GPR158: variants seen among roughly 807,000 people sequenced by gnomAD.
The protein encoded by GPR158 is G protein-coupled receptor 158, also known as metabotropic glycine receptor.
In GPR158, 30 loss-of-function variants were observed where a neutral mutation model predicts 78.2. The observed-to-expected ratio is 0.38, with a 90% confidence interval of 0.29 to 0.52. The LOEUF is 0.52. GPR158 is among the 20% of genes least tolerant of loss of function. The probability of loss-of-function intolerance (pLI) is 0.83; values close to 1 mark genes in which losing one functional copy is unlikely to be tolerated. For synonymous variants in GPR158, 581 were observed against 591.1 expected (o/e 0.98, Z 0.25); for missense variants, 1,463 against 1,523.5 (o/e 0.96, Z 0.66).
chr10:25,586,390 AATTTTTTTTTTTTTTTTT>A (rs770640168), intron 7 of GPR158, among the ~76,000 whole-genome samples: 2 of 130,994 alleles, frequency 1.5e-5, no homozygotes, highest in East Asian at 2.4e-4. Flanking sequence ...GGTATGTGTG[AATTTTTTTTTTTTTTTTT>A]TTTTTTTTTT....
At chr10:25,341,604 C>A (rs1012887148) in intron 2 of GPR158, among the ~76,000 whole-genome samples, 1 of 151,776 alleles carries the variant, frequency 6.6e-6, no homozygotes, top group Non-Finnish European at 1.5e-5. Context: ...AGTGGGAGTG[C>A]CCATTACAGT....
At chr10:25,191,237 C>T (rs1004679570) in intron 1 of GPR158, among the ~76,000 whole-genome samples, 4 of 152,164 alleles carry the variant, frequency 2.6e-5, no homozygotes, top group African/African-American at 4.8e-5. Context: ...TTAGAGATCA[C>T]GTAATCCAAT....
chr10:25,342,869 G>A (rs1291053525), intron 2 of GPR158, among the ~76,000 whole-genome samples: 2 of 150,610 alleles, frequency 1.3e-5, no homozygotes, highest in Admixed American at 6.7e-5. Flanking sequence ...GAAGCTTAAC[G>A]TTTCTGGTTA....
intron 5 of GPR158, among the ~76,000 whole-genome samples, chr10:25,488,705 A>G (rs991415993): frequency 5.3e-5 from 8 of 152,250 alleles, no homozygotes; most frequent in African/African-American, 1.9e-4. Flanking sequence ...GAAAGTAATT[A>G]TGTAATAGAT....
intron 2 of GPR158, among the ~76,000 whole-genome samples, chr10:25,304,904 A>G (rs1248630063): frequency 6.6e-6 from 1 of 152,218 alleles, no homozygotes; most frequent in East Asian, 1.9e-4. Context: ...CCTCTTTAGC[A>G]ATTCAACAAA....
intron 6 of GPR158, among the ~76,000 whole-genome samples, chr10:25,563,327 CTA>C (rs1588913823): frequency 6.6e-6 from 1 of 151,750 alleles, no homozygotes; most frequent in South Asian, 2.1e-4. Flanking sequence ...TATTTACAAA[CTA>C]TTATTTCATT....
At chr10:25,373,359 G>T (rs949117043) in intron 2 of GPR158, among the ~76,000 whole-genome samples, 4 of 151,814 alleles carry the variant, frequency 2.6e-5, no homozygotes, top group Non-Finnish European at 5.9e-5. Flanking sequence ...GTACCTGGGT[G>T]GCCAAATAAT....
At chr10:25,271,519 G>A (rs765171338) in intron 2 of GPR158, among the ~76,000 whole-genome samples, 1 of 152,278 alleles carries the variant, frequency 6.6e-6, no homozygotes, top group East Asian at 1.9e-4. Flanking sequence ...TTGTGCTCCT[G>A]GAAGTGGTGA....
At chr10:25,228,720 A>G (rs1230459783) in intron 2 of GPR158, among the ~76,000 whole-genome samples, 1 of 152,128 alleles carries the variant, frequency 6.6e-6, no homozygotes, top group Non-Finnish European at 1.5e-5. Context: ...GAAATTTATT[A>G]CTGTGGAAAT....
chr10:25,574,521 A>G (rs1035372134), intron 7 of GPR158, among the ~76,000 whole-genome samples: 3 of 152,210 alleles, frequency 2.0e-5, no homozygotes, highest in African/African-American at 7.2e-5. Flanking sequence ...AACCTTTTAT[A>G]AAGGACAAGT....
At chr10:25,375,190 T>A (rs894506195) in intron 2 of GPR158, among the ~76,000 whole-genome samples, 14 of 151,692 alleles carry the variant, frequency 9.2e-5, no homozygotes, top group African/African-American at 3.4e-4. Flanking sequence ...ATATCCTCTT[T>A]GTGAATGTTT....
intron 7 of GPR158, among the ~76,000 whole-genome samples, chr10:25,586,559 C>T (rs1467544022): frequency 4.6e-5 from 7 of 151,830 alleles, no homozygotes; most frequent in African/African-American, 1.7e-4. Context: ...AGTGCCACCA[C>T]ACCAGGCTAA....
chr10:25,599,233 G>A lies in GPR158; in HGVS notation c.3607G>A (p.Gly1203Arg), dbSNP rs527435328. ...SSALSANKIA[G>R]PRKEEIWDSF... ...TGCTCTAAGTGCAAATAAGATAGCAGGGCCTAGGAAAGAAGAGATCTGGGA... is the reference window on the plus strand; with the variant it reads ...TGCTCTAAGTGCAAATAAGATAGCAAGGCCTAGGAAAGAAGAGATCTGGGA... The change falls in exon 11 of 11, where the codon GGG (glycine) becomes AGG (arginine). Residue 1203 changes from glycine to arginine, a missense_variant. Gly to Arg is a moderately radical substitution (Grantham distance 125, BLOSUM62 -2). Coordinates refer to ENST00000376351, the MANE Select transcript of GPR158 (RefSeq NM_020752.3). The A allele has an allele frequency of 6.2e-7, 1 of 1,612,602 alleles. No homozygotes were observed. The highest frequency in any genetic ancestry group is 8.5e-7 in the Non-Finnish European group (1 of 1,179,790).
At chr10:25,331,140 A>G (rs564127707) in intron 2 of GPR158, among the ~76,000 whole-genome samples, 2 of 152,154 alleles carry the variant, frequency 1.3e-5, no homozygotes, top group South Asian at 2.1e-4. Context: ...GAGTCTCACT[A>G]TGTTGCCCAG....
chr10:25,554,614 A>C (rs1439318988), intron 6 of GPR158, among the ~76,000 whole-genome samples: 1 of 152,122 alleles, frequency 6.6e-6, no homozygotes, highest in Admixed American at 6.6e-5. Context: ...ACTTTTACCA[A>C]ATCTCCCACT....
chr10:25,493,223 G>C (rs1186291328), intron 5 of GPR158, among the ~76,000 whole-genome samples: 1 of 152,140 alleles, frequency 6.6e-6, no homozygotes, highest in Admixed American at 6.6e-5. Context: ...CTAGCATGGG[G>C]CCTGCTTCAA....
chr10:25,432,993 C>A (rs981414527), intron 4 of GPR158, among the ~76,000 whole-genome samples: 1 of 152,204 alleles, frequency 6.6e-6, no homozygotes, highest in East Asian at 1.9e-4. Context: ...TATCATCAAA[C>A]AGTATCACGT....
intron 2 of GPR158, among the ~76,000 whole-genome samples, chr10:25,238,303 G>T (rs1053052840): frequency 3.5e-4 from 53 of 152,252 alleles, no homozygotes; most frequent in South Asian, 1.2e-3. Flanking sequence ...TTCCAGTTCC[G>T]ATTATAATGT....
In GPR158 at chr10:25,212,735, G is replaced by A. The variant is rs898526644; in HGVS notation, c.903-8317G>A. ...CAACTTCTGCCTCCTGGGTTCAAGC[G>A]ATTCTCTTGCCTCAGCCTCCCAAGT... is the stretch of plus-strand genomic sequence containing the variant. On this transcript the variant is annotated intron_variant, in intron 1 of 10. Coordinates refer to ENST00000376351, the MANE Select transcript of GPR158 (RefSeq NM_020752.3). Among the ~76,000 whole-genome samples the A allele has an allele frequency of 1.1e-4, 16 of 146,024 alleles. No individual in the cohort carries two copies. The East Asian group carries it at 1.5e-3, about 14-fold the overall frequency.
Sources: gnomAD v4.1 joint callset for allele counts (sites outside exome capture counted in the v4.1 genomes callset) on GRCh38, gnomAD v4.1.1 for gene constraint, MANE v1.5 for transcripts, NCBI Gene and HGNC (gene_info 2026-07-23, HGNC 2026-07-21) for gene names.